The following KAT2A variants were observed in gnomAD, a reference collection of about 807,000 sequenced individuals.
The protein encoded by KAT2A is histone acetyltransferase KAT2A.
Under a neutral mutation model 95.2 loss-of-function variants are expected in KAT2A, and 42 were observed. The ratio of observed to expected loss-of-function variants is 0.44; its 90% CI spans 0.34 to 0.57. KAT2A has a LOEUF of 0.57. Ranked by LOEUF, KAT2A falls within the 20% of genes least tolerant of loss-of-function variation. The probability of loss-of-function intolerance (pLI) is 0.01; values close to 1 mark genes in which losing one functional copy is unlikely to be tolerated. For synonymous variants in KAT2A, 449 were observed against 448.2 expected (o/e 1.00, Z -0.02); for missense variants, 784 against 1,126.3 (o/e 0.70, Z 4.35).
chr17:42,113,748 G>C lies in KAT2A; in HGVS notation c.2415C>G (p.Arg805=). The C allele has an allele frequency of 6.2e-7, 1 of 1,610,320 alleles. No individual in the cohort carries two copies. Among genetic ancestry groups the C allele is most frequent in the South Asian group, 1.1e-5 (1 of 90,730 alleles). The change falls in exon 18 of 18, where the codon CGC becomes CGG. Residue 805 remains arginine, a synonymous_variant. Transcript: ENST00000225916. The part of the protein sequence containing the change: ...ADLQRVIANC[R]EYNPPDSEYC... ...ACTCGCTGTCCGGGGGGTTGTACTC[G>C]CGACAGTTGGCGATGACCCGCTGCA...
Position 42,114,741 on chromosome 17 carries a change from A to G in KAT2A, c.2020-137T>C. On this transcript the variant is annotated intron_variant, in intron 13 of 17. Transcript: ENST00000225916. This position sits in a 1 kb window ranked among gnomAD's most constrained non-coding sequence, Gnocchi z 6.0. The stretch of plus-strand genomic sequence containing the variant: ...AGCACCTCCCCTCATAACTTCCCCA[A>G]GGGAGCAGAGCAAGAGCCAAGATCC... 2 of 1,178,316 alleles carry G rather than the reference A, an allele frequency of 1.7e-6. No individual in the cohort carries two copies. The highest frequency in any genetic ancestry group is 2.7e-5 in the South Asian group (2 of 73,454). The allele number at this position is 1,178,316 out of a possible 1,614,324, so 73.0% of individuals were successfully genotyped here.
rs144795631 is a variant in KAT2A, at chr17:42,113,419, G to A, written c.*230C>T. On this transcript the variant is annotated 3_prime_UTR_variant, in exon 18 of 18. Transcript: ENST00000225916. ...TCCCTGGCCACCAGCTACTCTAGAG[G>A]GGCTGGGCCCCAACCCAGGAGACCT... is the stretch of plus-strand genomic sequence containing the variant. 1.6e-4 allele frequency: 72 copies of A among 455,968 alleles called. No individual in the cohort carries two copies. Among genetic ancestry groups the A allele is most frequent in the African/African-American group, 1.4e-3 (68 of 48,390 alleles). The allele number at this position is 455,968 out of a possible 1,614,324, so 28.2% of individuals were successfully genotyped here. A position where few individuals can be genotyped will look rare whatever the true frequency, so the allele number is the denominator to read the frequency against.
At chr17:42,120,572 A>G in intron 2 of KAT2A, 134 bp downstream of exon 2, 2 of 1,003,582 alleles carry the variant, frequency 2.0e-6, no homozygotes, top group Non-Finnish European at 3.0e-6. Context: ...CCCTTGGTGC[A>G]CACCCCCCCC....
Position 42,117,440 on chromosome 17 carries a change from G to A in KAT2A, c.1585C>T (p.His529Tyr). The change falls in exon 10 of 18, where the codon CAC (histidine) becomes TAC (tyrosine). Residue 529 changes from histidine (H) to tyrosine (Y), a missense_variant. By Grantham distance (83) the His-to-Tyr change is moderately conservative. Coordinates refer to ENST00000225916, the MANE Select transcript of KAT2A (RefSeq NM_021078.3). This position sits in a 1 kb window ranked among gnomAD's most constrained non-coding sequence, Gnocchi z 8.9. ...TCCTTAGGCATGCGCGGCAGCTGGT[G>A]GGAAAAGACATTCTGCAGCCCCACG... is the stretch of plus-strand genomic sequence containing the variant. ...WLVGLQNVFS[H>Y]QLPRMPKEYI... 1 of 1,613,488 alleles carries A rather than the reference G, an allele frequency of 6.2e-7. No individual in the cohort carries two copies. The highest frequency in any genetic ancestry group is 8.5e-7 in the Non-Finnish European group (1 of 1,179,978).
chr17:42,114,458 C>T lies in KAT2A; in HGVS notation c.2134+32G>A. ...CAGTCCACACCCCAAGCATCGTGCC[C>T]CCACTACCCTGCAACTGAGACCCCT... On this transcript the variant is annotated intron_variant, in intron 14 of 17. Transcript: ENST00000225916. The surrounding 1 kb of genome is among the most constrained non-coding windows in gnomAD (Gnocchi z 6.0). 1.2e-6 allele frequency: 2 copies of T among 1,612,980 alleles called. No individual in the cohort carries two copies. The highest frequency in any genetic ancestry group is 1.7e-6 in the Non-Finnish European group (2 of 1,178,954).
chr17:42,114,545 G>A lies in KAT2A; in HGVS notation c.2079C>T (p.Leu693=), dbSNP rs1431668981. 2 of 1,613,942 alleles carry A rather than the reference G, an allele frequency of 1.2e-6. No homozygotes were observed. Among genetic ancestry groups the A allele is most frequent in the African/African-American group, 1.3e-5 (1 of 74,890 alleles). ...QAQIRKVYPG[L]SCFKEGVRQI... Reference sequence around the variant, plus strand: ...GCCTCACGCCCTCCTTGAAGCAGCTGAGCCCCGGGTAGACCTTGCGGATCT... The same window carrying A: ...GCCTCACGCCCTCCTTGAAGCAGCTAAGCCCCGGGTAGACCTTGCGGATCT... The change falls in exon 14 of 18, where the codon CTC becomes CTT. Residue 693 remains leucine (L), a synonymous_variant. Transcript: ENST00000225916. This position sits in a 1 kb window ranked among gnomAD's most constrained non-coding sequence, Gnocchi z 6.0.
In KAT2A at chr17:42,119,559, T is replaced by C. The variant is rs2054307475; in HGVS notation, c.859A>G (p.Thr287Ala). 10 of 1,600,652 alleles carry C rather than the reference T, an allele frequency of 6.2e-6. No individual in the cohort carries two copies. The highest frequency in any genetic ancestry group is 7.7e-6 in the Non-Finnish European group (9 of 1,172,878). Residue 287 changes from threonine to alanine, a missense_variant, in exon 5 of 18, where the codon ACC becomes GCC. Around this residue, in one of 6 missense-constraint regions of KAT2A, gnomAD observed 208 missense variants for 339.7 expected, o/e 0.61. Transcript: ENST00000225916. This position sits in a 1 kb window ranked among gnomAD's most constrained non-coding sequence, Gnocchi z 5.3. ...TACCTGGTGTAATTGACCTTGTAGGTAGCCACGTCCTCAGCCTGAGACCTC... is the reference window on the plus strand; with the variant it reads ...TACCTGGTGTAATTGACCTTGTAGGCAGCCACGTCCTCAGCCTGAGACCTC... ...RQRSQAEDVA[T>A]YKVNYTRWLC...
In KAT2A at chr17:42,121,232, C is replaced by T. The variant is rs868986879; in HGVS notation, c.73G>A (p.Ala25Thr). The change falls in exon 1 of 18, where the codon GCC becomes ACC. Residue 25 changes from alanine to threonine, a missense_variant. Ala to Thr is a moderately conservative substitution (Grantham distance 58, BLOSUM62 0). Coordinates refer to ENST00000225916, the MANE Select transcript of KAT2A (RefSeq NM_021078.3). The part of the protein sequence containing the change: ...QPRPLQSPAP[A>T]PTPTPAPSPA... Reference sequence around the variant, plus strand: ...CTGGGTGCAGGAGTCGGAGTTGGGGCAGGGGCTGGGGACTGAAGGGGCCGG... The same window carrying T: ...CTGGGTGCAGGAGTCGGAGTTGGGGTAGGGGCTGGGGACTGAAGGGGCCGG... 5.2e-6 allele frequency: 7 copies of T among 1,353,706 alleles called. No homozygotes were observed. The highest frequency in any genetic ancestry group is 5.8e-6 in the Non-Finnish European group (6 of 1,030,266). The allele number at this position is 1,353,706 out of a possible 1,614,324, so 83.9% of individuals were successfully genotyped here.
At position 42,119,624 on chromosome 17, in the gene KAT2A, A is replaced by G; in HGVS notation, c.794T>C (p.Leu265Pro). The change falls in exon 5 of 18, where the codon CTT becomes CCT. Residue 265 changes from leucine (L) to proline (P), a missense_variant. Physicochemically the swap from Leu to Pro is moderately conservative, Grantham distance 98. Transcript: ENST00000225916. The surrounding 1 kb of genome is among the most constrained non-coding windows in gnomAD (Gnocchi z 5.3). ...AGGTGTCTCAAGCTTCCAGTAGTTA[A>G]GGCAGAGCAAGAACATCTTTGAGAG... ...FELSKMFLLCLNYWKLETPAQ... is the reference protein window; with the variant it reads ...FELSKMFLLCPNYWKLETPAQ... 6.2e-7 allele frequency: 1 copy of G among 1,614,100 alleles called. No individual in the cohort carries two copies. The highest frequency in any genetic ancestry group is 8.5e-7 in the Non-Finnish European group (1 of 1,179,982).
At position 42,113,634 on chromosome 17, in the gene KAT2A, G is replaced by A. The variant is rs145694140; in HGVS notation, c.*15C>T. 1.2e-3 allele frequency: 1,851 copies of A among 1,600,026 alleles called. 3 individuals carry two copies. Among genetic ancestry groups the A allele is most frequent in the Non-Finnish European group, 1.5e-3 (1,706 of 1,175,800 alleles). On this transcript the variant is annotated 3_prime_UTR_variant, in exon 18 of 18. Coordinates refer to ENST00000225916, the MANE Select transcript of KAT2A (RefSeq NM_021078.3). Reference sequence around the variant, plus strand: ...TGGAGACATTCCAGGTCAGGGCTGCGGCCCAAAGATGGGCCTACTTGTCAA... The same window carrying A: ...TGGAGACATTCCAGGTCAGGGCTGCAGCCCAAAGATGGGCCTACTTGTCAA...
At chr17:42,113,902 C>A in intron 17 of KAT2A, 60 bp from the exon 18 acceptor site, 1 of 1,498,582 alleles carries the variant, frequency 6.7e-7, no homozygotes, top group East Asian at 2.4e-5. Context: ...CAGGGCTGTC[C>A]ACCAGGGTGG....
In KAT2A at chr17:42,119,481, C is replaced by A; in HGVS notation, c.882-45G>T. On this transcript the variant is annotated intron_variant, in intron 5 of 17. Coordinates refer to ENST00000225916, the MANE Select transcript of KAT2A (RefSeq NM_021078.3). This position sits in a 1 kb window ranked among gnomAD's most constrained non-coding sequence, Gnocchi z 5.3. ...GGGAGACAGGTGAGGGCGGAAACCA[C>A]TGAACCCAGGCTGGGCCTGCAAGCC... The A allele has an allele frequency of 6.3e-7, 1 of 1,586,680 alleles. No homozygotes were observed. Among genetic ancestry groups the A allele is most frequent in the Non-Finnish European group, 8.6e-7 (1 of 1,163,122 alleles).
intron 3 of KAT2A, 51 bp from the exon 4 acceptor site, chr17:42,120,170 C>T: frequency 6.2e-7 from 1 of 1,613,624 alleles, no homozygotes; most frequent in Non-Finnish European, 8.5e-7. Flanking sequence ...GAGCTGCAGA[C>T]AACCCCTCAA....
chr17:42,119,489 A>G lies in KAT2A; in HGVS notation c.881+48T>C. 2 of 1,583,090 alleles carry G rather than the reference A, an allele frequency of 1.3e-6. No individual in the cohort carries two copies. Among genetic ancestry groups the G allele is most frequent in the African/African-American group, 1.3e-5 (1 of 74,352 alleles). Reference sequence around the variant, plus strand: ...GGTGAGGGCGGAAACCACTGAACCCAGGCTGGGCCTGCAAGCCTCCCCCGA... The same window carrying G: ...GGTGAGGGCGGAAACCACTGAACCCGGGCTGGGCCTGCAAGCCTCCCCCGA... On this transcript the variant is annotated intron_variant, in intron 5 of 17. Coordinates refer to ENST00000225916, the MANE Select transcript of KAT2A (RefSeq NM_021078.3). This position sits in a 1 kb window ranked among gnomAD's most constrained non-coding sequence, Gnocchi z 5.3.
Position 42,117,839 on chromosome 17 carries a change from C to T in KAT2A, c.1292-25G>A. On this transcript the variant is annotated intron_variant, in intron 8 of 17. Transcript: ENST00000225916. The surrounding 1 kb of genome is among the most constrained non-coding windows in gnomAD (Gnocchi z 8.9). The stretch of plus-strand genomic sequence containing the variant: ...CCTATTGGGGAGGCAGGCAAGGTTG[C>T]TCAGGATCAGTAAAAAAGGTTTGGG... 6.2e-7 allele frequency: 1 copy of T among 1,611,692 alleles called. No individual in the cohort carries two copies. Among genetic ancestry groups the T allele is most frequent in the South Asian group, 1.1e-5 (1 of 90,894 alleles).
At chr17:42,120,867 G>A (rs1555667160) in intron 1 of KAT2A, 38 bp from the exon 2 acceptor site, 5 of 1,588,534 alleles carry the variant, frequency 3.1e-6, no homozygotes, top group Admixed American at 1.8e-5. Flanking sequence ...CTATACCTCT[G>A]GGGCAAGAGC....
intron 7 of KAT2A, 133 bp downstream of exon 7, chr17:42,118,164 G>A (rs536107971): frequency 1.4e-5 from 11 of 800,156 alleles, no homozygotes; most frequent in Admixed American, 7.0e-5. Flanking sequence ...GGCAGGGACT[G>A]GGGGGGCTGA....
intron 7 of KAT2A, 122 bp from the exon 8 acceptor site, chr17:42,118,139 G>C: frequency 1.4e-6 from 1 of 737,322 alleles, no homozygotes; most frequent in South Asian, 1.8e-5. Flanking sequence ...TGAAGCTGAG[G>C]AGAGAGAGAG....
chr17:42,114,731 A>G lies in KAT2A; in HGVS notation c.2020-127T>C, dbSNP rs2054230063. 1.7e-6 allele frequency: 2 copies of G among 1,164,306 alleles called. No individual in the cohort carries two copies. The highest frequency in any genetic ancestry group is 1.9e-5 in the Admixed American group (1 of 51,892). 72.1% of individuals were successfully genotyped at this position (1,164,306 alleles called of 1,614,324 possible). A position where few individuals can be genotyped will look rare whatever the true frequency, so the allele number is the denominator to read the frequency against. ...CACCTAATCCAGCACCTCCCCTCAT[A>G]ACTTCCCCAAGGGAGCAGAGCAAGA... On this transcript the variant is annotated intron_variant, in intron 13 of 17. Transcript: ENST00000225916. This position sits in a 1 kb window ranked among gnomAD's most constrained non-coding sequence, Gnocchi z 6.0.
Sources: allele counts gnomAD v4.1 joint callset, GRCh38; gene constraint gnomAD v4.1.1; regional missense constraint gnomAD v4.1.1; non-coding constraint Gnocchi (gnomAD v3.1); transcripts MANE v1.5; gene names NCBI Gene and HGNC (gene_info 2026-07-23, HGNC 2026-07-21).